The following TRPM6 variants were observed in gnomAD, a reference collection of about 807,000 sequenced individuals.
The protein encoded by TRPM6 is channel kinase 2.
A neutral mutation model predicts 247.6 loss-of-function variants in TRPM6; 111 were observed. The observed-to-expected ratio is 0.45, with a 90% CI of 0.38 to 0.52. The LOEUF (loss-of-function observed/expected upper bound fraction) is 0.52. Ranked by LOEUF, TRPM6 falls within the 20% of genes least tolerant of loss-of-function variation. The pLI is 0.00. For synonymous variants in TRPM6, 892 were observed against 853.8 expected, an observed-to-expected ratio of 1.04 and a Z score of -0.78; for missense variants, 2,126 against 2,421.5, an observed-to-expected ratio of 0.88 and a Z score of 2.56.
At chr9:74,824,246 G>A (rs944734252) in intron 7 of TRPM6, among the ~76,000 whole-genome samples, 1 of 151,498 alleles carries the variant, frequency 6.6e-6, no homozygotes, top group Non-Finnish European at 1.5e-5. Context: ...TGCCTCCTGG[G>A]TTCAAGTGAT....
chr9:74,884,186 C>A (rs1831454243), intron 1 of TRPM6, among the ~76,000 whole-genome samples: 1 of 151,716 alleles, frequency 6.6e-6, no homozygotes, highest in Non-Finnish European at 1.5e-5. Context: ...ATGCACAAAT[C>A]AAAATAATAA....
intron 11 of TRPM6, among the ~76,000 whole-genome samples, chr9:74,814,853 G>A (rs1053080665): frequency 2.6e-5 from 4 of 152,208 alleles, no homozygotes; most frequent in Non-Finnish European, 5.9e-5. Flanking sequence ...GGAGGCTGAG[G>A]TGGGAGGATT....
chr9:74,828,560 C>T (rs898320499), intron 6 of TRPM6, among the ~76,000 whole-genome samples: 1 of 152,132 alleles, frequency 6.6e-6, no homozygotes, highest in African/African-American at 2.4e-5. Flanking sequence ...AGCCTGCTTT[C>T]CACGTGCTTG....
chr9:74,818,777 A>G (rs1364308285), intron 9 of TRPM6, among the ~76,000 whole-genome samples: 1 of 152,112 alleles, frequency 6.6e-6, no homozygotes, highest in African/African-American at 2.4e-5. Flanking sequence ...GGTTGCTATT[A>G]TTGTTGTTAT....
At chr9:74,758,815 T>A (rs1318850793) in intron 27 of TRPM6, among the ~76,000 whole-genome samples, 2 of 152,088 alleles carry the variant, frequency 1.3e-5, no homozygotes, top group Non-Finnish European at 2.9e-5. Flanking sequence ...ATACAACATG[T>A]CCAGATTGAA....
intron 3 of TRPM6, among the ~76,000 whole-genome samples, chr9:74,844,785 A>G (rs1359040643): frequency 6.6e-6 from 1 of 152,224 alleles, no homozygotes; most frequent in Non-Finnish European, 1.5e-5. Context: ...TTGGCACAAG[A>G]GGCCTAGCTT....
chr9:74,827,568 C>CT, intron 7 of TRPM6: 1 of 676,198 alleles, frequency 1.5e-6, no homozygotes, highest in East Asian at 2.7e-5. Flanking sequence ...AGGATGAAGA[C>CT]TTTAGTGGAT....
At chr9:74,849,740 G>C (rs962871010) in intron 3 of TRPM6, among the ~76,000 whole-genome samples, 1 of 152,204 alleles carries the variant, frequency 6.6e-6, no homozygotes, top group African/African-American at 2.4e-5. Flanking sequence ...CCATAAACAG[G>C]AAGCATCTAG....
chr9:74,764,303 G>C (rs1272277509), intron 25 of TRPM6, among the ~76,000 whole-genome samples: 1 of 152,126 alleles, frequency 6.6e-6, no homozygotes, highest in Non-Finnish European at 1.5e-5. Context: ...ATCAGATATT[G>C]ATAGAGTAAT....
intron 31 of TRPM6, among the ~76,000 whole-genome samples, chr9:74,747,175 T>A (rs548784514): frequency 6.6e-6 from 1 of 152,356 alleles, no homozygotes; most frequent in East Asian, 1.9e-4. Context: ...TGTTAATTGC[T>A]CTTTCAATTA....
chr9:74,738,643 C>CA (rs1563990506), intron 35 of TRPM6, 31 bp from the exon 36 acceptor site: 1 of 1,592,766 alleles, frequency 6.3e-7, no homozygotes, highest in South Asian at 1.1e-5. Context: ...ATTGATCCCC[C>CA]ACAATACAGC....
Position 74,739,263 on chromosome 9 carries a change from G to A in TRPM6, c.5570+104C>T. The A allele has an allele frequency of 6.3e-6, 7 of 1,119,956 alleles. No homozygotes were observed. In the Middle Eastern group the frequency reaches 9.7e-4, roughly 155 times the overall value. The allele number at this position is 1,119,956 out of a possible 1,614,324, so 69.4% of individuals were successfully genotyped here. ...AGGAAGAATCCAAAAATAAGATCAT[G>A]GGGAATTTCCCCATGGATAAGATTT... On this transcript the variant is annotated intron_variant, in intron 35 of 38. Coordinates refer to ENST00000360774, the MANE Select transcript of TRPM6 (RefSeq NM_017662.5).
chr9:74,757,654 C>A (rs1826474219), intron 27 of TRPM6, among the ~76,000 whole-genome samples: 1 of 152,074 alleles, frequency 6.6e-6, no homozygotes, highest in Non-Finnish European at 1.5e-5. Flanking sequence ...TGGCTCATCC[C>A]TGTAATCCCA....
At chr9:74,773,169 A>G (rs1340236967) in intron 24 of TRPM6, among the ~76,000 whole-genome samples, 1 of 152,166 alleles carries the variant, frequency 6.6e-6, no homozygotes. Context: ...CTACCAATCT[A>G]TTGAACACTA....
chr9:74,883,278 G>A (rs1831423082), intron 1 of TRPM6, among the ~76,000 whole-genome samples: 2 of 152,090 alleles, frequency 1.3e-5, no homozygotes, highest in South Asian at 4.1e-4. Context: ...TTCTATGTCA[G>A]TGGTATTGTT....
intron 30 of TRPM6, among the ~76,000 whole-genome samples, chr9:74,748,346 C>A (rs1181321133): frequency 6.6e-6 from 1 of 152,150 alleles, no homozygotes; most frequent in Non-Finnish European, 1.5e-5. Flanking sequence ...CTTTTTCATT[C>A]TTTTAGCATG....
chr9:74,856,770 C>T (rs1830538529), intron 2 of TRPM6, among the ~76,000 whole-genome samples: 1 of 152,060 alleles, frequency 6.6e-6, no homozygotes, highest in South Asian at 2.1e-4. Context: ...AGTGAATTAT[C>T]ACCCACTTCC....
At chr9:74,783,799 T>A (rs910558199) in intron 21 of TRPM6, among the ~76,000 whole-genome samples, 1 of 152,222 alleles carries the variant, frequency 6.6e-6, no homozygotes, top group Non-Finnish European at 1.5e-5. Context: ...TCCTGGAGGT[T>A]GTCTCTTTTC....
intron 31 of TRPM6, among the ~76,000 whole-genome samples, chr9:74,747,536 C>T (rs1826091301): frequency 6.6e-6 from 1 of 152,164 alleles, no homozygotes; most frequent in South Asian, 2.1e-4. Flanking sequence ...CAGGAAAAGG[C>T]ACCCATATAA....
Sources: gnomAD v4.1 joint callset for allele counts (sites outside exome capture counted in the v4.1 genomes callset) on GRCh38, gnomAD v4.1.1 for gene constraint, MANE v1.5 for transcripts, NCBI Gene and HGNC (gene_info 2026-07-23, HGNC 2026-07-21) for gene names.